Variants in L3MBTL4 observed in about 807,000 individuals in gnomAD.
L3MBTL4 encodes the protein lethal(3)malignant brain tumor-like protein 4.
A neutral mutation model predicts 84.5 loss-of-function variants in L3MBTL4; 70 were observed. The observed-to-expected ratio is 0.83, with a 90% CI of 0.68 to 1.01. The LOEUF (loss-of-function observed/expected upper bound fraction) is 1.01. Ranked by LOEUF, L3MBTL4 falls within the 50% of genes least tolerant of loss-of-function variation. The probability of loss-of-function intolerance (pLI) is 0.00; values close to 1 mark genes in which losing one functional copy is unlikely to be tolerated. For missense variants in L3MBTL4, 715 were observed against 754.8 expected (o/e 0.95, Z 0.62); for synonymous variants, 274 against 259.8 (o/e 1.05, Z -0.52).
intron 16 of L3MBTL4, among the ~76,000 whole-genome samples, chr18:6,001,510 G>A (rs1415584890): frequency 6.6e-6 from 1 of 152,108 alleles, no homozygotes; most frequent in African/African-American, 2.4e-5. Flanking sequence ...AAACCCTGGG[G>A]AAGGCGGGGA....
At chr18:6,413,605 A>T (rs2056061086) in intron 1 of L3MBTL4, among the ~76,000 whole-genome samples, 1 of 152,216 alleles carries the variant, frequency 6.6e-6, no homozygotes, top group African/African-American at 2.4e-5. Flanking sequence ...CACTACACTT[A>T]TTTCAGCCAA....
At chr18:5,965,631 G>A (rs956398903) in intron 17 of L3MBTL4, among the ~76,000 whole-genome samples, 4 of 152,126 alleles carry the variant, frequency 2.6e-5, no homozygotes, top group Admixed American at 2.6e-4. Flanking sequence ...GTACTCACTG[G>A]GGTCCCCTAA....
At chr18:6,342,337 G>C (rs1279482342) in intron 1 of L3MBTL4, among the ~76,000 whole-genome samples, 1 of 152,038 alleles carries the variant, frequency 6.6e-6, no homozygotes, top group African/African-American at 2.4e-5. Flanking sequence ...TTTGTTAATG[G>C]ATATGCAATA....
chr18:6,380,505 T>C (rs1005608601), intron 1 of L3MBTL4, among the ~76,000 whole-genome samples: 3 of 152,248 alleles, frequency 2.0e-5, no homozygotes, highest in African/African-American at 7.2e-5. Flanking sequence ...CCAGAGATTC[T>C]GGTACATTGT....
intron 12 of L3MBTL4, among the ~76,000 whole-genome samples, chr18:6,184,224 T>C (rs753517102): frequency 6.6e-6 from 1 of 152,226 alleles, no homozygotes; most frequent in Non-Finnish European, 1.5e-5. Context: ...ATTGGTCATA[T>C]AAATAATTTC....
chr18:6,098,344 T>A (rs907478488), intron 14 of L3MBTL4, among the ~76,000 whole-genome samples: 1 of 152,130 alleles, frequency 6.6e-6, no homozygotes, highest in Non-Finnish European at 1.5e-5. Flanking sequence ...CCCAGACCAG[T>A]CCTTCCAGCC....
intron 12 of L3MBTL4, among the ~76,000 whole-genome samples, chr18:6,197,693 T>C (rs1286512638): frequency 6.6e-6 from 1 of 152,204 alleles, no homozygotes; most frequent in Non-Finnish European, 1.5e-5. Context: ...TTGCCAACAC[T>C]GGCCTTCCTG....
At chr18:6,309,554 G>T (rs562239636) in intron 3 of L3MBTL4, among the ~76,000 whole-genome samples, 250 of 152,298 alleles carry the variant, frequency 1.6e-3, no homozygotes, top group African/African-American at 5.8e-3. Flanking sequence ...TGAAAATCTA[G>T]CTATGCAAGC....
At chr18:6,035,376 G>GTT (rs2056078264) in intron 16 of L3MBTL4, among the ~76,000 whole-genome samples, 1 of 152,160 alleles carries the variant, frequency 6.6e-6, no homozygotes, top group Non-Finnish European at 1.5e-5. Flanking sequence ...TGGCTAGCCA[G>GTT]TTTTCCCAGC....
At chr18:6,282,309 C>T (rs1304503764) in intron 4 of L3MBTL4, among the ~76,000 whole-genome samples, 2 of 152,128 alleles carry the variant, frequency 1.3e-5, no homozygotes, top group East Asian at 1.9e-4. Context: ...AGTGCTTTTA[C>T]AGAATACAAG....
At chr18:6,290,748 G>T (rs780682918) in intron 4 of L3MBTL4, among the ~76,000 whole-genome samples, 1 of 151,656 alleles carries the variant, frequency 6.6e-6, no homozygotes, top group African/African-American at 2.4e-5. Flanking sequence ...GGCTTGTCTC[G>T]AACTCCTGAC....
intron 14 of L3MBTL4, among the ~76,000 whole-genome samples, chr18:6,128,507 G>C (rs143323181): frequency 2.2e-4 from 34 of 152,180 alleles, no homozygotes; most frequent in African/African-American, 8.2e-4. Flanking sequence ...ATGATAGAGC[G>C]TGGGAAGAGG....
At chr18:6,159,697 T>A (rs1179074689) in intron 13 of L3MBTL4, among the ~76,000 whole-genome samples, 1 of 152,130 alleles carries the variant, frequency 6.6e-6, no homozygotes, top group African/African-American at 2.4e-5. Context: ...ACCAGGCCAC[T>A]CCATACCCCA....
chr18:6,173,651 C>T (rs1423058545), intron 12 of L3MBTL4, among the ~76,000 whole-genome samples: 1 of 151,996 alleles, frequency 6.6e-6, no homozygotes, highest in African/African-American at 2.4e-5. Context: ...GTGTGGTGTG[C>T]ACCTGTGGTC....
At chr18:6,312,700 T>G (rs2729739) in intron 1 of L3MBTL4, among the ~76,000 whole-genome samples, 28,186 of 152,178 alleles carry the variant, frequency 0.19, 2,717 homozygotes, top group Middle Eastern at 0.22. Context: ...ACTAGGAGTT[T>G]CCATCATTTC....
At chr18:6,147,575 G>A (rs1406994083) in intron 13 of L3MBTL4, among the ~76,000 whole-genome samples, 2 of 152,128 alleles carry the variant, frequency 1.3e-5, no homozygotes, top group Non-Finnish European at 2.9e-5. Context: ...TACCACGATG[G>A]CAATATTAGT....
chr18:6,409,841 G>C (rs1010595003), intron 1 of L3MBTL4, among the ~76,000 whole-genome samples: 1 of 152,070 alleles, frequency 6.6e-6, no homozygotes, highest in African/African-American at 2.4e-5. Context: ...AAAGTTACCA[G>C]GTACACTTCT....
chr18:6,069,862 G>T (rs2057525356), intron 16 of L3MBTL4, among the ~76,000 whole-genome samples: 1 of 152,022 alleles, frequency 6.6e-6, no homozygotes, highest in Non-Finnish European at 1.5e-5. Context: ...AAGAACTAAG[G>T]TCTATTAAAA....
At chr18:6,306,854 T>C (rs1267819862) in intron 3 of L3MBTL4, among the ~76,000 whole-genome samples, 2 of 152,318 alleles carry the variant, frequency 1.3e-5, no homozygotes, top group Admixed American at 6.5e-5. Flanking sequence ...AAGTGACTTG[T>C]CTTTTGCCAC....
Sources: allele counts gnomAD v4.1 joint callset (sites outside exome capture counted in the v4.1 genomes callset), GRCh38; gene constraint gnomAD v4.1.1; transcripts MANE v1.5; gene names NCBI Gene and HGNC (gene_info 2026-07-23, HGNC 2026-07-21).